Variants in RAB6B observed in about 807,000 individuals in gnomAD.
RAB6B encodes RAB6B, member RAS oncogene family.
A neutral mutation model predicts 31.2 loss-of-function variants in RAB6B; 7 were observed. The ratio of observed to expected loss-of-function variants is 0.22; its 90% CI spans 0.13 to 0.42. The LOEUF is 0.42. Among genes scored for constraint, RAB6B ranks in the 10% least tolerant of loss-of-function variants. RAB6B has a pLI of 1.00. For missense variants in RAB6B, 149 were observed against 280.6 expected (o/e 0.53, Z 3.35); for synonymous variants, 105 against 104.9 (o/e 1.00, Z -0.01).
intron 1 of RAB6B, among the ~76,000 whole-genome samples, chr3:133,875,271 C>T (rs866639976): frequency 6.6e-6 from 1 of 151,312 alleles, no homozygotes; most frequent in East Asian, 1.9e-4. Context: ...CACAGTTACA[C>T]GTGTGTGTGT....
At chr3:133,895,288 T>A (rs1419394183) in intron 1 of RAB6B, 109 bp downstream of exon 1, 30 of 836,038 alleles carry the variant, frequency 3.6e-5, no homozygotes, top group African/African-American at 7.0e-5. Flanking sequence ...TCCTCTACCC[T>A]GGCAAGGAGG....
chr3:133,853,966 A>C (rs1407536573), intron 2 of RAB6B, among the ~76,000 whole-genome samples: 2 of 152,354 alleles, frequency 1.3e-5, no homozygotes, highest in African/African-American at 4.8e-5. Context: ...ACACAGCCCC[A>C]TGAGACCATC....
chr3:133,849,159 C>T (rs1304799372), intron 2 of RAB6B, among the ~76,000 whole-genome samples: 1 of 152,224 alleles, frequency 6.6e-6, no homozygotes, highest in Non-Finnish European at 1.5e-5. Flanking sequence ...TTCACCTCCT[C>T]TACAAATCAT....
intron 2 of RAB6B, among the ~76,000 whole-genome samples, chr3:133,858,528 C>T (rs1936114320): frequency 6.6e-6 from 1 of 152,140 alleles, no homozygotes; most frequent in East Asian, 1.9e-4. Context: ...GATGGCTGTC[C>T]CTTCCTGTGT....
At chr3:133,893,736 G>A (rs1936668428) in intron 1 of RAB6B, among the ~76,000 whole-genome samples, 1 of 152,074 alleles carries the variant, frequency 6.6e-6, no homozygotes, top group South Asian at 2.1e-4. Context: ...TTTTACTAAA[G>A]ACAACACAGC....
intron 2 of RAB6B, among the ~76,000 whole-genome samples, chr3:133,844,848 GGAAGAATC>G: frequency 6.6e-6 from 1 of 152,054 alleles, no homozygotes; most frequent in Non-Finnish European, 1.5e-5. Context: ...GAGGCTGAGG[GGAAGAATC>G]GCTTGAGGCT....
rs1453737641 is a variant in RAB6B at position 133,827,938 on chromosome 3, C to T, written c.*850G>A. 4.3e-6 allele frequency: 3 copies of T among 702,858 alleles called. No homozygotes were observed. The highest frequency in any genetic ancestry group is 3.0e-5 in the South Asian group (2 of 67,598). 43.5% of individuals were successfully genotyped at this position (702,858 alleles called of 1,614,324 possible). On this transcript the variant is annotated 3_prime_UTR_variant, in exon 8 of 8. Transcript: ENST00000285208. The stretch of plus-strand genomic sequence containing the variant: ...AATATTTTCAGAAGTACACATGGCA[C>T]CCCAGTCTATAAACCACGCACCACG...
chr3:133,890,815 A>G (rs1162634032), intron 1 of RAB6B, among the ~76,000 whole-genome samples: 1 of 152,218 alleles, frequency 6.6e-6, no homozygotes, highest in Non-Finnish European at 1.5e-5. Flanking sequence ...AAATTCAATT[A>G]CGGTTTTTGT....
intron 1 of RAB6B, among the ~76,000 whole-genome samples, chr3:133,879,059 T>C (rs1189273334): frequency 6.6e-6 from 1 of 152,314 alleles, no homozygotes; most frequent in African/African-American, 2.4e-5. Context: ...CTTGGGTTAG[T>C]TCCTATTCTC....
At chr3:133,829,990 C>A (rs1233337656) in intron 7 of RAB6B, among the ~76,000 whole-genome samples, 1 of 152,184 alleles carries the variant, frequency 6.6e-6, no homozygotes, top group African/African-American at 2.4e-5. Context: ...ACCATGGCAG[C>A]CTATAAATGA....
chr3:133,861,869 G>A (rs1936165924), intron 2 of RAB6B, among the ~76,000 whole-genome samples: 1 of 152,190 alleles, frequency 6.6e-6, no homozygotes, highest in South Asian at 2.1e-4. Flanking sequence ...GTCTGAAGGG[G>A]TGGTGGGGAG....
chr3:133,879,662 G>A (rs1936440373), intron 1 of RAB6B, among the ~76,000 whole-genome samples: 1 of 152,114 alleles, frequency 6.6e-6, no homozygotes, highest in Non-Finnish European at 1.5e-5. Context: ...ATACCTTCAG[G>A]GTTACTTGAA....
intron 6 of RAB6B, among the ~76,000 whole-genome samples, chr3:133,837,516 A>G (rs1033458671): frequency 3.3e-5 from 5 of 152,202 alleles, no homozygotes; most frequent in Non-Finnish European, 2.9e-5. Context: ...TACATTCATC[A>G]TTGAAGGACA....
intron 5 of RAB6B, 88 bp downstream of exon 5, chr3:133,839,418 C>T: frequency 4.3e-6 from 5 of 1,163,192 alleles, no homozygotes; most frequent in Non-Finnish European, 6.5e-6. Context: ...CACAGACACA[C>T]CACCCATGCA....
At position 133,841,165 on chromosome 3, in the gene RAB6B, C is replaced by T; in HGVS notation, c.289+120G>A. The T allele has an allele frequency of 4.5e-6, 3 of 659,602 alleles. No individual in the cohort carries two copies. In the South Asian group the frequency reaches 5.7e-5, roughly 13 times the overall value. The allele number at this position is 659,602 out of a possible 1,614,324, so 40.9% of individuals were successfully genotyped here. A position where few individuals can be genotyped will look rare whatever the true frequency, so the allele number is the denominator to read the frequency against. On this transcript the variant is annotated intron_variant, in intron 4 of 7. Transcript: ENST00000285208. The stretch of plus-strand genomic sequence containing the variant: ...TTTCTGCATTCAGGGAGCAATCGCA[C>T]ACACATGCGTGTGCACACACATGCG...
chr3:133,834,773 G>A (rs763582951), intron 6 of RAB6B, 132 bp from the exon 7 acceptor site: 18 of 822,298 alleles, frequency 2.2e-5, no homozygotes, highest in Non-Finnish European at 3.7e-5. Context: ...AGCGGACGGT[G>A]CCCTCAAAGG....
At chr3:133,829,798 C>T (rs1056092954) in intron 7 of RAB6B, among the ~76,000 whole-genome samples, 5 of 152,190 alleles carry the variant, frequency 3.3e-5, no homozygotes, top group Non-Finnish European at 7.3e-5. Context: ...CTTGCCTTGG[C>T]TGTGAGGATG....
At chr3:133,865,445 G>A (rs1936224984) in intron 1 of RAB6B, among the ~76,000 whole-genome samples, 1 of 152,224 alleles carries the variant, frequency 6.6e-6, no homozygotes, top group Non-Finnish European at 1.5e-5. Flanking sequence ...GCTCCCCTGG[G>A]GCCTGGCAGT....
intron 6 of RAB6B, among the ~76,000 whole-genome samples, chr3:133,835,174 G>C (rs1295895688): frequency 6.6e-6 from 1 of 152,228 alleles, no homozygotes; most frequent in Non-Finnish European, 1.5e-5. Context: ...GGATGCAGGA[G>C]TGTGAACACA....
Sources: gnomAD v4.1 joint callset for allele counts (sites outside exome capture counted in the v4.1 genomes callset) on GRCh38, gnomAD v4.1.1 for gene constraint, MANE v1.5 for transcripts, NCBI Gene and HGNC (gene_info 2026-07-23, HGNC 2026-07-21) for gene names.